Variants in DPY19L3 observed in about 807,000 individuals in gnomAD.
DPY19L3 encodes protein C-mannosyl-transferase DPY19L3.
Under a neutral mutation model 92.3 loss-of-function variants are expected in DPY19L3, and 51 were observed. The observed-to-expected ratio is 0.55, with a 90% CI of 0.44 to 0.70. The LOEUF is 0.70. Ranked by LOEUF, DPY19L3 falls within the 30% of genes least tolerant of loss-of-function variation. DPY19L3 has a pLI of 0.00. For synonymous variants in DPY19L3, 309 were observed against 315.2 expected (o/e 0.98, Z 0.21); for missense variants, 706 against 855.9 (o/e 0.82, Z 2.18).
intron 15 of DPY19L3, among the ~76,000 whole-genome samples, chr19:32,466,421 C>T (rs1223992015): frequency 1.3e-5 from 2 of 152,216 alleles, no homozygotes; most frequent in African/African-American, 2.4e-5. Context: ...TCAGCAGTGG[C>T]ACATTGACAC....
rs921811369 is a variant in DPY19L3, at chr19:32,485,215, A to G, written c.*2975A>G. ...TGACCAACTACTGATACTGATCACA[A>G]TAGTTATTAGAGATTCTAATTTAGT... On this transcript the variant is annotated 3_prime_UTR_variant, in exon 19 of 19. Coordinates refer to ENST00000392250, the MANE Select transcript of DPY19L3 (RefSeq NM_001172774.2). 2.6e-5 allele frequency: 4 copies of G among 152,236 alleles called. No individual in the cohort carries two copies. In the East Asian group the frequency reaches 7.7e-4, roughly 29 times the overall value. The allele number at this position is 152,236 out of a possible 1,614,324, so 9.4% of individuals were successfully genotyped here.
rs1403718783 is a variant in DPY19L3, at chr19:32,445,092, AC to A, written c.855+5183del. Among the ~76,000 whole-genome samples, 39 of 151,002 alleles carry A rather than the reference AC, an allele frequency of 2.6e-4. 1 individual carries two copies. In the South Asian group the frequency reaches 7.4e-3, roughly 29 times the overall value. ...CCCAGTCTCAAAAAAAAAAAAAAAA[AC>A]AAAAAACAATGGAGGCCAAAAGGAA... On this transcript the variant is annotated intron_variant, in intron 8 of 18. Coordinates refer to ENST00000392250, the MANE Select transcript of DPY19L3 (RefSeq NM_001172774.2).
At position 32,436,543 on chromosome 19, in the gene DPY19L3, T is replaced by A; in HGVS notation, c.426T>A (p.Ile142=). Residue 142 remains isoleucine (I), a synonymous_variant, in exon 5 of 19, where the codon ATT becomes ATA. Transcript: ENST00000392250. ...MNIYQEVFLS[I]LYRVLPIQKY... Reference sequence around the variant, plus strand: ...TTTACCAAGAGGTTTTTCTCAGTATTTTATATAGAGTTCTACCCATACAGG... The same window carrying A: ...TTTACCAAGAGGTTTTTCTCAGTATATTATATAGAGTTCTACCCATACAGG... 6.4e-7 allele frequency: 1 copy of A among 1,574,240 alleles called. No individual in the cohort carries two copies. The highest frequency in any genetic ancestry group is 8.7e-7 in the Non-Finnish European group (1 of 1,155,496).
In DPY19L3 at chr19:32,438,868, C is replaced by CT. The variant is rs1299624719; in HGVS notation, c.597-242dup. ...AGTTTAGGAGTAAGGCTAACCTGGG[C>CT]TTGAACCCTAGGTGCTAAGGGCATA... On this transcript the variant is annotated intron_variant, in intron 6 of 18. Transcript: ENST00000392250. 1.4e-5 allele frequency: 5 copies of CT among 359,988 alleles called. No homozygotes were observed. The East Asian group carries it at 1.7e-4, about 12-fold the overall frequency. The allele number at this position is 359,988 out of a possible 1,614,324, so 22.3% of individuals were successfully genotyped here. A position where few individuals can be genotyped will look rare whatever the true frequency, so the allele number is the denominator to read the frequency against.
In DPY19L3 at chr19:32,423,528, G is replaced by A. The variant is rs374843772; in HGVS notation, c.238-9188G>A. 8.6e-5 allele frequency among the ~76,000 whole-genome samples: 13 copies of A among 151,396 alleles called. No homozygotes were observed. The East Asian group carries it at 2.1e-3, about 25-fold the overall frequency. ...AGTCCATCCACTTCTGCCTCCCAAAGTTAGGATTACAGGTGTGAGCCACCA... is the reference window on the plus strand; with the variant it reads ...AGTCCATCCACTTCTGCCTCCCAAAATTAGGATTACAGGTGTGAGCCACCA... On this transcript the variant is annotated intron_variant, in intron 3 of 18. Coordinates refer to ENST00000392250, the MANE Select transcript of DPY19L3 (RefSeq NM_001172774.2).
rs1040399222 is a variant in DPY19L3, at chr19:32,482,878, G to A, written c.*638G>A. On this transcript the variant is annotated 3_prime_UTR_variant, in exon 19 of 19. Coordinates refer to ENST00000392250, the MANE Select transcript of DPY19L3 (RefSeq NM_001172774.2). ...TGTCATGTATTGTGTGTGTCTGTGTGTGTGCATGTGCACACATGTGTTTTA... is the reference window on the plus strand; with the variant it reads ...TGTCATGTATTGTGTGTGTCTGTGTATGTGCATGTGCACACATGTGTTTTA... The A allele has an allele frequency of 3.3e-5, 5 of 152,144 alleles. No homozygotes were observed. In the East Asian group the frequency reaches 9.6e-4, roughly 29 times the overall value. 9.4% of individuals were successfully genotyped at this position (152,144 alleles called of 1,614,324 possible).
At chr19:32,410,005 A>C (rs1721764810) in intron 2 of DPY19L3, among the ~76,000 whole-genome samples, 1 of 152,124 alleles carries the variant, frequency 6.6e-6, no homozygotes, top group African/African-American at 2.4e-5. Context: ...GCTTTTACTC[A>C]CTGCTGCCAT....
chr19:32,461,458 C>A (rs1028017843), intron 12 of DPY19L3, among the ~76,000 whole-genome samples: 19 of 152,208 alleles, frequency 1.2e-4, no homozygotes, highest in Non-Finnish European at 2.1e-4. Context: ...AGAGCAGATA[C>A]TCCCCTTGTC....
chr19:32,460,313 A>T (rs1406085625), intron 12 of DPY19L3, among the ~76,000 whole-genome samples: 1 of 152,224 alleles, frequency 6.6e-6, no homozygotes, highest in Non-Finnish European at 1.5e-5. Context: ...CGGGAGGCTA[A>T]GGCGGGAGGA....
At chr19:32,472,074 T>C (rs558590736) in intron 16 of DPY19L3, among the ~76,000 whole-genome samples, 2 of 152,304 alleles carry the variant, frequency 1.3e-5, no homozygotes, top group Admixed American at 1.3e-4. Flanking sequence ...TTGCCCTCAT[T>C]CTTTTCTCCC....
chr19:32,446,394 T>G (rs1969500404), intron 8 of DPY19L3, among the ~76,000 whole-genome samples: 1 of 152,018 alleles, frequency 6.6e-6, no homozygotes, highest in Admixed American at 6.6e-5. Flanking sequence ...ATAATTACAT[T>G]AAAGGTAAAT....
At chr19:32,408,424 C>A in intron 2 of DPY19L3, 68 bp downstream of exon 2, 1 of 1,172,674 alleles carries the variant, frequency 8.5e-7, no homozygotes, top group Non-Finnish European at 1.2e-6. Context: ...TGTCACTCTC[C>A]AATAGGATAA....
In DPY19L3 at chr19:32,477,505, A is replaced by C. The variant is rs1470467291; in HGVS notation, c.1698-17A>C. ...TCTCTTAACAGTGGGGTTAATTCAG[A>C]CTCTAAAATCTTTCAGCTCTAACAC... On this transcript the variant is annotated splice_polypyrimidine_tract_variant and intron_variant, in intron 16 of 18. Transcript: ENST00000392250. 1.2e-6 allele frequency: 2 copies of C among 1,613,678 alleles called. No homozygotes were observed. Among genetic ancestry groups the C allele is most frequent in the African/African-American group, 2.7e-5 (2 of 74,774 alleles).
In DPY19L3 at chr19:32,436,510, A is replaced by C; in HGVS notation, c.393A>C (p.Arg131=). The C allele has an allele frequency of 6.3e-7, 1 of 1,582,854 alleles. No homozygotes were observed. Among genetic ancestry groups the C allele is most frequent in the Non-Finnish European group, 8.6e-7 (1 of 1,157,262 alleles). ...ESMKTINLLQ[R]MNIYQEVFLS... Reference sequence around the variant, plus strand: ...TGAAGACAATTAACCTCCTTCAGCGAATGAATATTTACCAAGAGGTTTTTC... The same window carrying C: ...TGAAGACAATTAACCTCCTTCAGCGCATGAATATTTACCAAGAGGTTTTTC... The change falls in exon 5 of 19, where the codon CGA becomes CGC. Residue 131 remains arginine, a synonymous_variant. Coordinates refer to ENST00000392250, the MANE Select transcript of DPY19L3 (RefSeq NM_001172774.2).
intron 8 of DPY19L3, among the ~76,000 whole-genome samples, chr19:32,450,974 A>G (rs979009957): frequency 1.3e-5 from 2 of 152,192 alleles, no homozygotes; most frequent in African/African-American, 4.8e-5. Context: ...AGTTCCTCCA[A>G]TGTTTATTAA....
intron 3 of DPY19L3, among the ~76,000 whole-genome samples, chr19:32,419,863 T>C (rs1968507937): frequency 6.7e-6 from 1 of 149,354 alleles, no homozygotes; most frequent in African/African-American, 2.5e-5. Context: ...CCATTTTTTT[T>C]TTTTTTTTTT....
At chr19:32,416,059 G>A (rs1310101565) in intron 3 of DPY19L3, among the ~76,000 whole-genome samples, 1 of 152,206 alleles carries the variant, frequency 6.6e-6, no homozygotes, top group Non-Finnish European at 1.5e-5. Context: ...GCAAATCCAG[G>A]ATCAGAGAGA....
At chr19:32,416,284 T>C (rs1599590304) in intron 3 of DPY19L3, among the ~76,000 whole-genome samples, 1 of 152,210 alleles carries the variant, frequency 6.6e-6, no homozygotes, top group Non-Finnish European at 1.5e-5. Context: ...AGCTGCTTGC[T>C]CTCCTTAGCA....
intron 15 of DPY19L3, chr19:32,467,706 T>C: frequency 1.0e-6 from 1 of 987,508 alleles, no homozygotes; most frequent in Non-Finnish European, 1.2e-6. Context: ...TACATTGTCA[T>C]TGGTCTTCTA....
Sources: allele counts gnomAD v4.1 joint callset (sites outside exome capture counted in the v4.1 genomes callset), GRCh38; gene constraint gnomAD v4.1.1; transcripts MANE v1.5; gene names NCBI Gene and HGNC (gene_info 2026-07-23, HGNC 2026-07-21).